The following VKORC1L1 variants were observed in gnomAD, a reference collection of about 807,000 sequenced individuals.
VKORC1L1 encodes the protein vitamin K epoxide reductase complex subunit 1L1.
In VKORC1L1, 2 loss-of-function variants were observed where a neutral mutation model predicts 18.9. That is an observed-to-expected ratio of 0.11 (90% CI 0.04 to 0.33). The LOEUF is 0.33. VKORC1L1 is among the 10% of genes least tolerant of loss of function. VKORC1L1 has a pLI of 1.00. For synonymous variants in VKORC1L1, 96 were observed against 100.0 expected (o/e 0.96, Z 0.24); for missense variants, 123 against 224.1 (o/e 0.55, Z 2.88).
intron 1 of VKORC1L1, among the ~76,000 whole-genome samples, chr7:65,917,886 A>G (rs200218069): frequency 2.6e-5 from 4 of 152,210 alleles, no homozygotes; most frequent in East Asian, 3.8e-4. Context: ...CTGTCAAGTT[A>G]TATAGGGTGG....
intron 1 of VKORC1L1, among the ~76,000 whole-genome samples, chr7:65,883,680 A>C (rs569583257): frequency 6.6e-6 from 1 of 151,648 alleles, no homozygotes; most frequent in Admixed American, 6.6e-5. Flanking sequence ...TTGTATTTTT[A>C]ATAGAGATGG....
intron 1 of VKORC1L1, among the ~76,000 whole-genome samples, chr7:65,899,939 G>T (rs992853536): frequency 6.6e-6 from 1 of 151,208 alleles, no homozygotes; most frequent in South Asian, 2.1e-4. Flanking sequence ...GGCAGAGGTT[G>T]CAGTGACCCA....
intron 1 of VKORC1L1, among the ~76,000 whole-genome samples, chr7:65,945,347 C>T (rs1214140895): frequency 2.6e-5 from 4 of 151,534 alleles, no homozygotes; most frequent in African/African-American, 4.9e-5. Context: ...CGCAGTGGCT[C>T]ACGCCTGTAA....
intron 1 of VKORC1L1, among the ~76,000 whole-genome samples, chr7:65,921,538 A>G (rs1789675296): frequency 6.6e-6 from 1 of 152,076 alleles, no homozygotes; most frequent in Admixed American, 6.6e-5. Context: ...GGTGCGTGCC[A>G]CCATGCTCAA....
chr7:65,869,952 G>A (rs1376502871), upstream of VKORC1L1, among the ~76,000 whole-genome samples: 2 of 150,884 alleles, frequency 1.3e-5, no homozygotes, highest in African/African-American at 4.9e-5. Context: ...ACTGTGCTCT[G>A]CCTCAAAACA....
Position 65,873,135 on chromosome 7 carries a change from C to T in VKORC1L1, c.-237C>T, listed in dbSNP as rs1562977080. The T allele has an allele frequency of 1.3e-5, 4 of 318,614 alleles. No individual in the cohort carries two copies. Among genetic ancestry groups the T allele is most frequent in the Non-Finnish European group, 1.8e-5 (4 of 220,926 alleles). The allele number at this position is 318,614 out of a possible 1,614,324, so 19.7% of individuals were successfully genotyped here. A position where few individuals can be genotyped will look rare whatever the true frequency, so the allele number is the denominator to read the frequency against. On this transcript the variant is annotated 5_prime_UTR_variant, in exon 1 of 3. Coordinates refer to ENST00000360768, the MANE Select transcript of VKORC1L1 (RefSeq NM_173517.6). Reference sequence around the variant, plus strand: ...CGCACTCCACCCCCTCCCTCCGCGCCCGCGCGCGCCTTCCCCGCCCCGTCC... The same window carrying T: ...CGCACTCCACCCCCTCCCTCCGCGCTCGCGCGCGCCTTCCCCGCCCCGTCC...
Position 65,954,060 on chromosome 7 carries a change from C to A in VKORC1L1, c.305-14C>A. ...CACCAAGGCCTGACTGAGCCTGCGT[C>A]TCTTCTCTTACAGGCATGACAGCAA... On this transcript the variant is annotated splice_polypyrimidine_tract_variant and intron_variant, in intron 2 of 2. Coordinates refer to ENST00000360768, the MANE Select transcript of VKORC1L1 (RefSeq NM_173517.6). 6.3e-7 allele frequency: 1 copy of A among 1,582,732 alleles called. No individual in the cohort carries two copies. The highest frequency in any genetic ancestry group is 2.3e-5 in the East Asian group (1 of 44,302).
intron 1 of VKORC1L1, among the ~76,000 whole-genome samples, chr7:65,904,182 G>A (rs1403005620): frequency 1.3e-5 from 2 of 152,178 alleles, no homozygotes; most frequent in African/African-American, 2.4e-5. Flanking sequence ...AATGGAAGGG[G>A]ACGGGAAGGG....
Position 65,954,983 on chromosome 7 carries a change from G to C in VKORC1L1, c.*683G>C, listed in dbSNP as rs1056904800. On this transcript the variant is annotated 3_prime_UTR_variant, in exon 3 of 3. Transcript: ENST00000360768. ...TAATAGGGCAAAAAAAATAATAATAGGGTGGTCGGTTCCCTTTCATCTCCC... is the reference window on the plus strand; with the variant it reads ...TAATAGGGCAAAAAAAATAATAATACGGTGGTCGGTTCCCTTTCATCTCCC... The C allele has an allele frequency of 1.3e-5, 2 of 152,190 alleles. No homozygotes were observed. The highest frequency in any genetic ancestry group is 2.4e-5 in the African/African-American group (1 of 41,416). 9.4% of individuals were successfully genotyped at this position (152,190 alleles called of 1,614,324 possible).
At chr7:65,910,818 A>G (rs1275158884) in intron 1 of VKORC1L1, among the ~76,000 whole-genome samples, 1 of 152,228 alleles carries the variant, frequency 6.6e-6, no homozygotes, top group East Asian at 1.9e-4. Flanking sequence ...TTAGCAATCC[A>G]AAGTGCTGGG....
At chr7:65,924,813 T>A (rs55700941) in intron 1 of VKORC1L1, among the ~76,000 whole-genome samples, 16,927 of 152,220 alleles carry the variant, frequency 0.11, 1,096 homozygotes, top group Middle Eastern at 0.2. Flanking sequence ...GGAATATAAA[T>A]ATTTGTTACT....
At position 65,937,960 on chromosome 7, in the gene VKORC1L1, C is replaced by T. The variant is rs1359781807; in HGVS notation, c.195-10711C>T. 3.3e-5 allele frequency among the ~76,000 whole-genome samples: 5 copies of T among 152,064 alleles called. 1 individual carries two copies. The highest frequency in any genetic ancestry group is 1.2e-4 in the African/African-American group (5 of 41,396). On this transcript the variant is annotated intron_variant, in intron 1 of 2. Transcript: ENST00000360768. ...CAGTGGCTCGTGTCTGTAATCCCAG[C>T]ACATTGGGAGGCTGAGGTGAGTGGA...
intron 1 of VKORC1L1, among the ~76,000 whole-genome samples, chr7:65,880,674 C>A (rs1229317742): frequency 6.6e-6 from 1 of 152,118 alleles, no homozygotes; most frequent in Non-Finnish European, 1.5e-5. Context: ...AAGAGGAGTT[C>A]ATTTCCTCAA....
rs1789297337 is a variant in VKORC1L1 at position 65,900,503 on chromosome 7, G to C, written c.194+26938G>C. Among the ~76,000 whole-genome samples, 2 of 151,724 alleles carry C rather than the reference G, an allele frequency of 1.3e-5. 1 individual carries two copies. The highest frequency in any genetic ancestry group is 4.2e-4 in the South Asian group (2 of 4,808). ...GCTGTTTGTTCCTCTGGTTGTATAC[G>C]TATAAAACTACATACATAGCTGGGC... On this transcript the variant is annotated intron_variant, in intron 1 of 2. Transcript: ENST00000360768.
intron 1 of VKORC1L1, among the ~76,000 whole-genome samples, chr7:65,885,112 T>G (rs1270027726): frequency 6.6e-6 from 1 of 152,226 alleles, no homozygotes; most frequent in South Asian, 2.1e-4. Context: ...CATGACTTCT[T>G]AAATCTCCTA....
chr7:65,950,971 G>A (rs1226131087), intron 2 of VKORC1L1, among the ~76,000 whole-genome samples: 1 of 152,194 alleles, frequency 6.6e-6, no homozygotes, highest in East Asian at 1.9e-4. Context: ...AAGAACCTAA[G>A]AACAGCCTTT....
chr7:65,872,993 C>T (rs547010692), upstream of VKORC1L1, among the ~76,000 whole-genome samples: 6 of 109,570 alleles, frequency 5.5e-5, no homozygotes, highest in African/African-American at 1.6e-4. Flanking sequence ...CCGCCCATCC[C>T]CACCCCTGCC....
intron 1 of VKORC1L1, among the ~76,000 whole-genome samples, chr7:65,909,145 T>A (rs1189150568): frequency 3.3e-5 from 1 of 30,004 alleles, no homozygotes; most frequent in African/African-American, 7.9e-5. Context: ...CCCAGCCTAA[T>A]TTTTTTTTTT....
At chr7:65,902,985 G>A (rs1252286870) in intron 1 of VKORC1L1, among the ~76,000 whole-genome samples, 1 of 151,996 alleles carries the variant, frequency 6.6e-6, no homozygotes, top group Admixed American at 6.6e-5. Flanking sequence ...TCCTGCCTCA[G>A]CCTACTGAGT....
Sources: allele counts gnomAD v4.1 joint callset (sites outside exome capture counted in the v4.1 genomes callset), GRCh38; gene constraint gnomAD v4.1.1; transcripts MANE v1.5; gene names NCBI Gene and HGNC (gene_info 2026-07-23, HGNC 2026-07-21).